The following CABP4 variants were observed in gnomAD, a reference collection of about 807,000 sequenced individuals.
CABP4 encodes calcium binding protein 4, also known as calcium-binding protein 4.
In CABP4, 30 loss-of-function variants were observed where a neutral mutation model predicts 30.7. The ratio of observed to expected loss-of-function variants is 0.98; its 90% CI spans 0.73 to 1.33. CABP4 has a LOEUF of 1.33. Among genes scored for constraint, CABP4 ranks in the 40% most tolerant of loss-of-function variants. The pLI is 0.00. For synonymous variants in CABP4, 161 were observed against 159.2 expected, an observed-to-expected ratio of 1.01 and a Z score of -0.08; for missense variants, 424 against 395.5, an observed-to-expected ratio of 1.07 and a Z score of -0.61.
At chr11:67,458,238 AC>A (rs1218399921) in intron 4 of CABP4, 132 bp from the exon 5 acceptor site, 1 of 718,576 alleles carries the variant, frequency 1.4e-6, no homozygotes, top group Non-Finnish European at 1.8e-6. Context: ...CAGCCTGGTG[AC>A]AGAGCAAGAC....
chr11:67,456,489 G>A, intron 3 of CABP4, 47 bp downstream of exon 3: 1 of 1,598,660 alleles, frequency 6.3e-7, no homozygotes. Context: ...TAGTTCAGGG[G>A]GTCACGAGGG....
rs1491234059 is a variant in CABP4, at chr11:67,460,985, GGA to G, written c.*2327_*2328del. On this transcript the variant is annotated 3_prime_UTR_variant, in exon 6 of 6. Coordinates refer to ENST00000325656, the MANE Select transcript of CABP4 (RefSeq NM_145200.5). Reference sequence around the variant, plus strand: ...GGGCTACAGAGCGAGACTCCGTCTCGGAAAAAAAAAAAAAAAAAGGTCACTGG... The same window carrying G: ...GGGCTACAGAGCGAGACTCCGTCTCGAAAAAAAAAAAAAAAAGGTCACTGG... Among the ~76,000 whole-genome samples, 8 of 101,464 alleles carry G rather than the reference GGA, an allele frequency of 7.9e-5. No homozygotes were observed. Among genetic ancestry groups the G allele is most frequent in the African/African-American group, 6.0e-4 (7 of 11,762 alleles). 66.6% of individuals were successfully genotyped at this position (101,464 alleles called of 152,430 possible).
intron 1 of CABP4, 53 bp downstream of exon 1, chr11:67,455,842 C>T: frequency 6.5e-7 from 1 of 1,540,328 alleles, no homozygotes; most frequent in Non-Finnish European, 8.8e-7. Flanking sequence ...GCTGGAGACA[C>T]ACCCCTTGGG....
upstream of CABP4, among the ~76,000 whole-genome samples, chr11:67,453,918 A>T (rs1329535524): frequency 3.5e-5 from 5 of 142,964 alleles, no homozygotes; most frequent in African/African-American, 5.3e-5. Context: ...GGCAGTGGGA[A>T]CCCCCTCCCC....
At chr11:67,457,799 G>A (rs916706140) in intron 4 of CABP4, 117 bp downstream of exon 4, 1 of 794,500 alleles carries the variant, frequency 1.3e-6, no homozygotes, top group Non-Finnish European at 2.0e-6. Context: ...TGGGACTGGG[G>A]CCCAGGGATG....
In CABP4 at chr11:67,455,624, G is replaced by C. The variant is rs542905066; in HGVS notation, c.201G>C (p.Pro67=). 1 of 1,608,368 alleles carries C rather than the reference G, an allele frequency of 6.2e-7. No individual in the cohort carries two copies. The highest frequency in any genetic ancestry group is 2.2e-5 in the East Asian group (1 of 44,714). ...GGGAGCAGACAGGCCCCGAGGCCCC[G>C]GGGAGCAGCAATAACCCTCCCAGCA... ...SSGEQTGPEA[P]GSSNNPPSTG... is the part of the protein sequence containing the mutation. Residue 67 remains proline (P), a synonymous_variant, in exon 1 of 6, where the codon CCG becomes CCC. Coordinates refer to ENST00000325656, the MANE Select transcript of CABP4 (RefSeq NM_145200.5).
intron 4 of CABP4, 48 bp downstream of exon 4, chr11:67,457,730 T>C (rs550529214): frequency 1.4e-6 from 2 of 1,450,228 alleles, no homozygotes; most frequent in East Asian, 2.5e-5. Context: ...CTGGGTGGCA[T>C]CCTTGCTGGC....
intron 3 of CABP4, 69 bp downstream of exon 3, chr11:67,456,511 G>T: frequency 6.3e-7 from 1 of 1,580,506 alleles, no homozygotes; most frequent in Middle Eastern, 1.7e-4. Context: ...CTGGCAGGAG[G>T]TGGCCCTTGG....
At position 67,455,669 on chromosome 11, in the gene CABP4, C is replaced by T. The variant is rs147329388; in HGVS notation, c.246C>T (p.Gly82=). ...NPPSTGEGPA[G]APPASPGPAS... ...CCAGCACTGGAGAGGGGCCGGCGGG[C>T]GCACCCCCTGCATCCCCTGGGCCGG... Residue 82 remains glycine, a synonymous_variant, in exon 1 of 6, where the codon GGC becomes GGT. Transcript: ENST00000325656. The T allele has an allele frequency of 8.7e-6, 14 of 1,606,966 alleles. No homozygotes were observed. The highest frequency in any genetic ancestry group is 5.1e-5 in the Admixed American group (3 of 59,328).
At chr11:67,455,244 C>T (rs1864719342), upstream of CABP4, 1 of 809,156 alleles carries the variant, frequency 1.2e-6, no homozygotes, top group Non-Finnish European at 1.9e-6. Context: ...CCCTGGCCAG[C>T]CCTGGGGCAG....
chr11:67,455,451 C>G lies in CABP4; in HGVS notation c.28C>G (p.Gln10Glu), dbSNP rs1864730410. ...GACCACAGAGCAGGCAAGGGGGCAG[C>G]AGGGCCCAAATCTGGCCATTGGCCG... Reference protein sequence around the residue: MTTEQARGQQGPNLAIGRQK... With the variant: MTTEQARGQEGPNLAIGRQK... Residue 10 changes from glutamine to glutamate, a missense_variant, in exon 1 of 6, where the codon CAG becomes GAG. Coordinates refer to ENST00000325656, the MANE Select transcript of CABP4 (RefSeq NM_145200.5). 1 of 1,611,388 alleles carries G rather than the reference C, an allele frequency of 6.2e-7. No homozygotes were observed. Among genetic ancestry groups the G allele is most frequent in the South Asian group, 1.1e-5 (1 of 90,768 alleles).
upstream of CABP4, among the ~76,000 whole-genome samples, chr11:67,453,826 C>T (rs1864660410): frequency 1.3e-5 from 2 of 152,192 alleles, no homozygotes; most frequent in South Asian, 4.1e-4. Context: ...GCCTGCTCCT[C>T]TGGGGTTCGA....
rs202212392 is a variant in CABP4, at chr11:67,458,698, G to C, written c.*39G>C. 6.0e-5 allele frequency: 97 copies of C among 1,612,866 alleles called. No individual in the cohort carries two copies. Among genetic ancestry groups the C allele is most frequent in the Non-Finnish European group, 7.9e-5 (93 of 1,179,902 alleles). On this transcript the variant is annotated 3_prime_UTR_variant, in exon 6 of 6. Transcript: ENST00000325656. ...AATATCTGTTGCCCCTGCGGCCCCA[G>C]ACACCAGCCAGACCCAGGCTGCAGG...
Position 67,455,721 on chromosome 11 carries a change from C to T in CABP4, c.298C>T (p.Arg100Cys), listed in dbSNP as rs966008036. The T allele has an allele frequency of 1.4e-5, 23 of 1,608,032 alleles. No individual in the cohort carries two copies. The highest frequency in any genetic ancestry group is 1.9e-5 in the Non-Finnish European group (22 of 1,178,276). ...PASSRQSHRHRPDSLHDAAQR... is the reference protein window; with the variant it reads ...PASSRQSHRHCPDSLHDAAQR... ...CTCTTCTCGCCAGTCCCACCGACAT[C>T]GTCCTGACTCCCTGCACGACGCTGC... Residue 100 changes from arginine to cysteine, a missense_variant, in exon 1 of 6, where the codon CGT becomes TGT. Coordinates refer to ENST00000325656, the MANE Select transcript of CABP4 (RefSeq NM_145200.5).
chr11:67,457,708 AG>A, intron 4 of CABP4, 26 bp downstream of exon 4: 1 of 1,534,714 alleles, frequency 6.5e-7, no homozygotes. Context: ...AGGTGGGCAG[AG>A]GGGGGCAGGG....
chr11:67,456,500 G>A, intron 3 of CABP4, 58 bp downstream of exon 3: 1 of 1,593,390 alleles, frequency 6.3e-7, no homozygotes, highest in Non-Finnish European at 8.5e-7. Context: ...GTCACGAGGG[G>A]CTGGCAGGAG....
rs1565160273 is a variant in CABP4 at position 67,455,591 on chromosome 11, C to T, written c.168C>T (p.Gly56=). 1.9e-6 allele frequency: 3 copies of T among 1,605,772 alleles called. No individual in the cohort carries two copies. The highest frequency in any genetic ancestry group is 2.5e-6 in the Non-Finnish European group (3 of 1,177,416). ...TCCGAGGGTCTCGAAAGCGCACTGGCAGCTCTGGGGAGCAGACAGGCCCCG... is the reference window on the plus strand; with the variant it reads ...TCCGAGGGTCTCGAAAGCGCACTGGTAGCTCTGGGGAGCAGACAGGCCCCG... The part of the protein sequence containing the change: ...RGLRGSRKRT[G]SSGEQTGPEA... Residue 56 remains glycine (G), a synonymous_variant, in exon 1 of 6, where the codon GGC becomes GGT. Coordinates refer to ENST00000325656, the MANE Select transcript of CABP4 (RefSeq NM_145200.5).
rs1050380137 is a variant in CABP4 at position 67,461,304 on chromosome 11, A to G, written c.*2645A>G. On this transcript the variant is annotated 3_prime_UTR_variant, in exon 6 of 6. Coordinates refer to ENST00000325656, the MANE Select transcript of CABP4 (RefSeq NM_145200.5). ...GACCCTGTCTCAAAGAAAAAGACAG[A>G]TAAGTCCTTGGGAGTCTCAGACGGA... is the stretch of plus-strand genomic sequence containing the variant. Among the ~76,000 whole-genome samples, 2 of 152,188 alleles carry G rather than the reference A, an allele frequency of 1.3e-5. No individual in the cohort carries two copies. Among genetic ancestry groups the G allele is most frequent in the African/African-American group, 2.4e-5 (1 of 41,444 alleles).
In CABP4 at chr11:67,458,389, G is replaced by A; in HGVS notation, c.670G>A (p.Gly224Arg). The change falls in exon 5 of 6, where the codon GGA becomes AGA. Residue 224 changes from glycine to arginine, a missense_variant. Gly to Arg is a moderately radical substitution (Grantham distance 125, BLOSUM62 -2). Transcript: ENST00000325656. Reference sequence around the variant, plus strand: ...ACCTTAGTTTGACAGGGACAGGGATGGACGAATTACGGTGGCGGAGCTGCG... The same window carrying A: ...ACCTTAGTTTGACAGGGACAGGGATAGACGAATTACGGTGGCGGAGCTGCG... ...AFREFDRDRDGRITVAELREA... is the reference protein window; with the variant it reads ...AFREFDRDRDRRITVAELREA... The A allele has an allele frequency of 6.2e-7, 1 of 1,612,552 alleles. No individual in the cohort carries two copies. Among genetic ancestry groups the A allele is most frequent in the South Asian group, 1.1e-5 (1 of 90,948 alleles).
Sources: allele counts gnomAD v4.1 joint callset (sites outside exome capture counted in the v4.1 genomes callset), GRCh38; gene constraint gnomAD v4.1.1; transcripts MANE v1.5; gene names NCBI Gene and HGNC (gene_info 2026-07-23, HGNC 2026-07-21).